The following TP73 variants were observed in gnomAD, a reference collection of about 807,000 sequenced individuals.
TP73 encodes the protein tumor protein p73.
Under a neutral mutation model 62.5 loss-of-function variants are expected in TP73, and 25 were observed. That is an observed-to-expected ratio of 0.40 (90% confidence interval 0.29 to 0.56). TP73 has a LOEUF of 0.56. TP73 is among the 20% of genes least tolerant of loss of function. TP73 has a pLI of 0.46. For synonymous variants in TP73, 423 were observed against 377.5 expected (o/e 1.12, Z -1.40); for missense variants, 754 against 913.3 (o/e 0.83, Z 2.25).
intron 1 of TP73, among the ~76,000 whole-genome samples, chr1:3,661,315 T>C (rs865934605): frequency 3.3e-5 from 5 of 152,210 alleles, no homozygotes; most frequent in African/African-American, 1.2e-4. Context: ...CTTGATTAAA[T>C]AGAATCCCAG....
rs535396563 is a variant in TP73, at chr1:3,696,658, C to T, written c.187-10891C>T. ...CAACCCAGAGGCTGCTGAGTTCCCA[C>T]GGTTTGGAGAGGGCAGGGCCCAACT... On this transcript the variant is annotated intron_variant, in intron 3 of 13. Coordinates refer to ENST00000378295, the MANE Select transcript of TP73 (RefSeq NM_005427.4). The surrounding 1 kb of genome is among the most constrained non-coding windows in gnomAD (Gnocchi z 4.1). Among the ~76,000 whole-genome samples the T allele has an allele frequency of 7.2e-5, 11 of 152,166 alleles. No homozygotes were observed. The highest frequency in any genetic ancestry group is 5.8e-4 in the East Asian group (3 of 5,150).
chr1:3,692,564 T>TG (rs1287982546), intron 3 of TP73, among the ~76,000 whole-genome samples: 1 of 152,108 alleles, frequency 6.6e-6, no homozygotes, highest in East Asian at 1.9e-4. Flanking sequence ...CTGGGGCTCC[T>TG]GGGGGGCTGC....
intron 9 of TP73, 38 bp downstream of exon 9, chr1:3,728,255 C>A: frequency 6.3e-7 from 1 of 1,595,052 alleles, no homozygotes; most frequent in South Asian, 1.1e-5. Flanking sequence ...GGGAGACCTG[C>A]CTCACCTCTG....
intron 3 of TP73, among the ~76,000 whole-genome samples, chr1:3,687,046 GAT>G (rs1010295372): frequency 2.8e-4 from 42 of 152,312 alleles, no homozygotes; most frequent in African/African-American, 9.9e-4. Flanking sequence ...CCTAGGATAG[GAT>G]CTGGGACCAG....
chr1:3,719,918 G>GTGTGTA (rs1640932757), intron 4 of TP73, among the ~76,000 whole-genome samples: 1 of 151,524 alleles, frequency 6.6e-6, no homozygotes. Flanking sequence ...GTGTGTGTGT[G>GTGTGTA]TGTGTGTGTG....
At chr1:3,698,793 G>A (rs1297427301) in intron 3 of TP73, among the ~76,000 whole-genome samples, 1 of 152,220 alleles carries the variant, frequency 6.6e-6, no homozygotes, top group African/African-American at 2.4e-5. Flanking sequence ...CTGGGCGTGT[G>A]GAGGGACATG....
At chr1:3,652,766 C>G (rs1294489038) in intron 1 of TP73, 125 bp downstream of exon 1, 1 of 152,496 alleles carries the variant, frequency 6.6e-6, no homozygotes, top group Non-Finnish European at 1.5e-5. Flanking sequence ...CGGGGACGAG[C>G]TGGGACAAGG....
chr1:3,719,888 C>CTT (rs1245491958), intron 4 of TP73, among the ~76,000 whole-genome samples: 3 of 96,736 alleles, frequency 3.1e-5, no homozygotes, highest in African/African-American at 1.4e-4. Context: ...CTTTTTTTCT[C>CTT]TTTGTGTGTG....
In TP73 at chr1:3,684,289, G is replaced by C. The variant is rs959327531; in HGVS notation, c.186+1109G>C. Among the ~76,000 whole-genome samples, 47 of 152,360 alleles carry C rather than the reference G, an allele frequency of 3.1e-4. 1 individual carries two copies. Among genetic ancestry groups the C allele is most frequent in the African/African-American group, 1.1e-3 (47 of 41,596 alleles). On this transcript the variant is annotated intron_variant, in intron 3 of 13. Coordinates refer to ENST00000378295, the MANE Select transcript of TP73 (RefSeq NM_005427.4). ...TGTTTGCGCTGCGGAAAACCAGCCCGAACTGTGGGGATACGCGGAACAGCG... is the reference window on the plus strand; with the variant it reads ...TGTTTGCGCTGCGGAAAACCAGCCCCAACTGTGGGGATACGCGGAACAGCG...
At chr1:3,690,533 C>T (rs910515079) in intron 3 of TP73, 36 of 881,430 alleles carry the variant, frequency 4.1e-5, no homozygotes, top group Non-Finnish European at 5.0e-5. Context: ...ATTATGGAGC[C>T]GGCGCTGACC....
In TP73 at chr1:3,728,842, A is replaced by G. The variant is rs572878506; in HGVS notation, c.1075-485A>G. 7.9e-5 allele frequency among the ~76,000 whole-genome samples: 12 copies of G among 152,296 alleles called. No individual in the cohort carries two copies. The East Asian group carries it at 2.3e-3, about 29-fold the overall frequency. ...TTAGCTGGGCGTGGTGGTGGCGTGC[A>G]GCTGCAGTCCCAGCTACTCAGAAGA... On this transcript the variant is annotated intron_variant, in intron 9 of 13. Coordinates refer to ENST00000378295, the MANE Select transcript of TP73 (RefSeq NM_005427.4).
At chr1:3,655,994 G>A (rs997779278) in intron 1 of TP73, among the ~76,000 whole-genome samples, 6 of 152,122 alleles carry the variant, frequency 3.9e-5, no homozygotes, top group African/African-American at 9.7e-5. Flanking sequence ...TGGCTAACAC[G>A]GTGAAACCCC....
chr1:3,654,164 ACT>A (rs1401161659), intron 1 of TP73, among the ~76,000 whole-genome samples: 1 of 152,100 alleles, frequency 6.6e-6, no homozygotes, highest in African/African-American at 2.4e-5. Context: ...ACAGAGCAAG[ACT>A]CTGTCTCAAA....
chr1:3,721,759 C>T (rs1209456942), intron 4 of TP73, among the ~76,000 whole-genome samples: 1 of 152,196 alleles, frequency 6.6e-6, no homozygotes, highest in South Asian at 2.1e-4. Context: ...GCCTGACTGC[C>T]ACCGGCACTC....
intron 1 of TP73, 43 bp from the exon 2 acceptor site, chr1:3,682,290 C>A: frequency 2.2e-6 from 3 of 1,377,520 alleles, no homozygotes; most frequent in Non-Finnish European, 1.9e-6. Context: ...GGACAGAGCA[C>A]GAGTTCCCAG....
intron 1 of TP73, among the ~76,000 whole-genome samples, chr1:3,658,289 C>G (rs1049097234): frequency 2.0e-5 from 3 of 152,200 alleles, no homozygotes; most frequent in Admixed American, 6.5e-5. Flanking sequence ...AAAGTTGCCT[C>G]CCTCTTCCCT....
chr1:3,683,140 T>C lies in TP73; in HGVS notation c.146T>C (p.Met49Thr). ...NEVVGGTDSS[M>T]DVFHLEGMTT... Reference sequence around the variant, plus strand: ...GTGGTGGGCGGAACGGATTCCAGCATGGACGTCTTCCACCTGGAGGGCATG... The same window carrying C: ...GTGGTGGGCGGAACGGATTCCAGCACGGACGTCTTCCACCTGGAGGGCATG... Residue 49 changes from methionine (M) to threonine (T), a missense_variant, in exon 3 of 14, where the codon ATG becomes ACG. Around this residue, in one of 3 missense-constraint regions of TP73, gnomAD observed 235 missense variants for 251.4 expected, o/e 0.93. Transcript: ENST00000378295. 2 of 1,612,562 alleles carry C rather than the reference T, an allele frequency of 1.2e-6. No homozygotes were observed. Among genetic ancestry groups the C allele is most frequent in the Non-Finnish European group, 1.7e-6 (2 of 1,179,000 alleles).
intron 1 of TP73, among the ~76,000 whole-genome samples, chr1:3,654,388 C>T (rs546678783): frequency 3.3e-5 from 5 of 152,154 alleles, no homozygotes; most frequent in Admixed American, 6.5e-5. Context: ...CTCCAAATCC[C>T]GAAGGCCAGT....
intron 1 of TP73, among the ~76,000 whole-genome samples, chr1:3,677,971 TTGGGATTACAGTTA>T (rs1645412455): frequency 6.6e-6 from 1 of 152,180 alleles, no homozygotes; most frequent in South Asian, 2.1e-4. Context: ...TCCTAAAGTG[TTGGGATTACAGTTA>T]TGAACCACTG....
Sources: gnomAD v4.1 joint callset for allele counts (sites outside exome capture counted in the v4.1 genomes callset) on GRCh38, gnomAD v4.1.1 for gene constraint, gnomAD v4.1.1 regional missense constraint, Gnocchi (gnomAD v3.1) non-coding constraint, MANE v1.5 for transcripts, NCBI Gene and HGNC (gene_info 2026-07-23, HGNC 2026-07-21) for gene names.